ZNF385D: variants seen among roughly 807,000 people sequenced by gnomAD.
ZNF385D encodes the protein zinc finger protein 659.
Under a neutral mutation model 35.8 loss-of-function variants are expected in ZNF385D, and 15 were observed. The ratio of observed to expected loss-of-function variants is 0.42; its 90% CI spans 0.28 to 0.64. ZNF385D has a LOEUF of 0.64. ZNF385D is among the 30% of genes least tolerant of loss of function. The probability of loss-of-function intolerance (pLI) is 0.23; values close to 1 mark genes in which losing one functional copy is unlikely to be tolerated. For missense variants in ZNF385D, 474 were observed against 494.6 expected (o/e 0.96, Z 0.39); for synonymous variants, 212 against 186.8 (o/e 1.13, Z -1.10).
intron 3 of ZNF385D, among the ~76,000 whole-genome samples, chr3:22,041,309 C>G (rs1430820249): frequency 6.6e-6 from 1 of 152,114 alleles, no homozygotes; most frequent in African/African-American, 2.4e-5. Flanking sequence ...CTATAGTACT[C>G]TGATTGGCAA....
intron 3 of ZNF385D, among the ~76,000 whole-genome samples, chr3:21,874,868 A>G (rs1697881376): frequency 6.6e-6 from 1 of 152,062 alleles, no homozygotes; most frequent in Non-Finnish European, 1.5e-5. Context: ...TGAACATGAG[A>G]TGCATTTCCA....
chr3:22,089,170 A>G (rs561994700), intron 3 of ZNF385D, among the ~76,000 whole-genome samples: 2 of 152,222 alleles, frequency 1.3e-5, no homozygotes, highest in Non-Finnish European at 2.9e-5. Flanking sequence ...CATGGCAGAT[A>G]TGCTTTTAAA....
chr3:22,040,193 C>T (rs1698578347), intron 3 of ZNF385D, among the ~76,000 whole-genome samples: 1 of 152,030 alleles, frequency 6.6e-6, no homozygotes, highest in Non-Finnish European at 1.5e-5. Context: ...ACATAGCCCA[C>T]ATCTTTGTAA....
intron 3 of ZNF385D, among the ~76,000 whole-genome samples, chr3:21,533,379 A>G (rs941994350): frequency 5.3e-5 from 8 of 151,976 alleles, no homozygotes; most frequent in African/African-American, 9.7e-5. Context: ...GCCCATACTA[A>G]CTTTCTTATT....
chr3:22,346,451 T>A (rs1001896951), intron 2 of ZNF385D, among the ~76,000 whole-genome samples: 9 of 152,226 alleles, frequency 5.9e-5, no homozygotes, highest in African/African-American at 2.2e-4. Context: ...ATGCATTCAA[T>A]ATTATGTGAA....
At chr3:21,480,827 T>C (rs1704577382) in intron 4 of ZNF385D, among the ~76,000 whole-genome samples, 1 of 152,180 alleles carries the variant, frequency 6.6e-6, no homozygotes, top group Non-Finnish European at 1.5e-5. Flanking sequence ...TTCAAATACA[T>C]TTAGATATGT....
chr3:21,969,089 G>A (rs927454165), intron 3 of ZNF385D, among the ~76,000 whole-genome samples: 5 of 152,086 alleles, frequency 3.3e-5, no homozygotes, highest in African/African-American at 4.8e-5. Flanking sequence ...TAATCTCCAC[G>A]GACCTGTGGT....
intron 1 of ZNF385D, among the ~76,000 whole-genome samples, chr3:21,677,516 C>G (rs1183766682): frequency 1.1e-4 from 17 of 151,994 alleles, no homozygotes; most frequent in Admixed American, 6.6e-4. Flanking sequence ...TGCAGATTCA[C>G]TAGAAGCTCA....
chr3:21,496,522 A>G (rs1261531696), intron 4 of ZNF385D, among the ~76,000 whole-genome samples: 1 of 82,118 alleles, frequency 1.2e-5, no homozygotes, highest in Non-Finnish European at 2.6e-5. Flanking sequence ...ATATACACAT[A>G]TATTTGATAT....
chr3:22,289,874 G>A (rs1425223783), intron 2 of ZNF385D, among the ~76,000 whole-genome samples: 1 of 152,078 alleles, frequency 6.6e-6, no homozygotes, highest in Non-Finnish European at 1.5e-5. Context: ...AATCCTGGAG[G>A]TCTATAGTAT....
rs76065283 is a variant in ZNF385D, at chr3:22,327,877, C to A, written c.106+44573G>T. Among the ~76,000 whole-genome samples the A allele has an allele frequency of 5.4e-3, 827 of 152,278 alleles. 7 individuals carry two copies. The highest frequency in any genetic ancestry group is 0.019 in the African/African-American group (785 of 41,562). On this transcript the variant is annotated intron_variant, in intron 2 of 5. Transcript: ENST00000494108. Reference sequence around the variant, plus strand: ...CTTAAGGCATTTCTCTTCATTTTGTCTGTTTCAACACTTGAGGTGTAACAT... The same window carrying A: ...CTTAAGGCATTTCTCTTCATTTTGTATGTTTCAACACTTGAGGTGTAACAT...
chr3:21,940,397 G>A (rs1039254468), intron 3 of ZNF385D, among the ~76,000 whole-genome samples: 4 of 152,052 alleles, frequency 2.6e-5, no homozygotes, highest in Non-Finnish European at 5.9e-5. Context: ...ATAACTACTT[G>A]GCAAGTAAAT....
At chr3:22,255,408 A>C (rs150371097) in intron 2 of ZNF385D, among the ~76,000 whole-genome samples, 2,453 of 151,972 alleles carry the variant, frequency 0.016, 56 homozygotes, top group South Asian at 0.09. Flanking sequence ...GATATGAAAT[A>C]ACTTACTTAC....
chr3:21,703,766 ATGT>A (rs1240163284), intron 1 of ZNF385D, among the ~76,000 whole-genome samples: 1 of 151,848 alleles, frequency 6.6e-6, no homozygotes, highest in Non-Finnish European at 1.5e-5. Flanking sequence ...TTGGCCAAAT[ATGT>A]TGTTATTTGT....
At chr3:22,131,722 G>A (rs1463030761) in intron 3 of ZNF385D, among the ~76,000 whole-genome samples, 1 of 152,176 alleles carries the variant, frequency 6.6e-6, no homozygotes, top group Non-Finnish European at 1.5e-5. Context: ...AGATATCACA[G>A]AGGGAGTTTT....
chr3:22,006,186 C>A (rs1696186856), intron 3 of ZNF385D, among the ~76,000 whole-genome samples: 1 of 151,976 alleles, frequency 6.6e-6, no homozygotes, highest in Non-Finnish European at 1.5e-5. Context: ...TTTAGATAAA[C>A]CTATGCAGAG....
intron 3 of ZNF385D, among the ~76,000 whole-genome samples, chr3:22,068,899 C>T (rs1405776161): frequency 6.6e-6 from 1 of 152,158 alleles, no homozygotes; most frequent in Non-Finnish European, 1.5e-5. Flanking sequence ...GTCAATTTAA[C>T]AATAAATATG....
At chr3:21,816,719 T>C (rs1392116653) in intron 3 of ZNF385D, among the ~76,000 whole-genome samples, 2 of 152,196 alleles carry the variant, frequency 1.3e-5, no homozygotes, top group African/African-American at 2.4e-5. Flanking sequence ...TCCATGCTCA[T>C]AGATAGGAAG....
chr3:22,064,107 C>T (rs565839281), intron 3 of ZNF385D, among the ~76,000 whole-genome samples: 1 of 152,314 alleles, frequency 6.6e-6, no homozygotes, highest in South Asian at 2.1e-4. Context: ...GCTAGGACTT[C>T]AGTCTAGTTA....
Sources: gnomAD v4.1 joint callset for allele counts (sites outside exome capture counted in the v4.1 genomes callset) on GRCh38, gnomAD v4.1.1 for gene constraint, MANE v1.5 for transcripts, NCBI Gene and HGNC (gene_info 2026-07-23, HGNC 2026-07-21) for gene names.